H3C6: variants seen among roughly 807,000 people sequenced by gnomAD.
H3C6 encodes histone H3.1.
H3C6 carries 17 observed loss-of-function variants against 8.0 expected under a neutral mutation model. The ratio of observed to expected loss-of-function variants is 2.13; its 90% CI spans 1.46 to 3.19. H3C6 has a LOEUF of 3.19. H3C6 is among the 30% of genes most tolerant of loss of function. The probability of loss-of-function intolerance (pLI) is 0.00; values close to 1 mark genes in which losing one functional copy is unlikely to be tolerated. For missense variants in H3C6, 298 were observed against 193.8 expected, an observed-to-expected ratio of 1.54 and a Z score of -3.19; for synonymous variants, 169 against 78.0, an observed-to-expected ratio of 2.17 and a Z score of -6.15.
chr6:26,227,308 A>G (rs1759596487), downstream of H3C6: 1 of 152,198 alleles, frequency 6.6e-6, no homozygotes, highest in Non-Finnish European at 1.5e-5. Context: ...TATTTCTCTT[A>G]CAGCTACTGG....
downstream of H3C6, chr6:26,225,707 A>C: frequency 9.5e-7 from 1 of 1,053,978 alleles, no homozygotes; most frequent in Non-Finnish European, 1.4e-6. Context: ...AGTGGCATTC[A>C]GTTCCCTCGA....
upstream of H3C6, among the ~76,000 whole-genome samples, chr6:26,224,612 A>G (rs1226423888): frequency 6.6e-6 from 1 of 152,244 alleles, no homozygotes; most frequent in East Asian, 1.9e-4. Flanking sequence ...ACTATAACAC[A>G]AATGAAACAC....
downstream of H3C6, chr6:26,226,348 G>C (rs893573958): frequency 2.0e-5 from 3 of 150,168 alleles, no homozygotes; most frequent in Non-Finnish European, 4.4e-5. Context: ...TCTTTTGTTT[G>C]CTTTTTTCTT....
rs751491152 is a variant in H3C6 at position 26,225,181 on chromosome 6, T to A, written c.27T>A (p.Arg9=). The change falls in exon 1 of 1, where the codon CGT becomes CGA. Residue 9 remains arginine (R), a synonymous_variant. Coordinates refer to ENST00000614911, the MANE Select transcript of H3C6 (RefSeq NM_003532.3). The part of the protein sequence containing the change: MARTKQTA[R]KSTGGKAPRK... ...TGGCGCGTACTAAGCAGACGGCTCG[T>A]AAATCCACAGGCGGTAAAGCACCGC... 3.2e-6 allele frequency: 5 copies of A among 1,579,634 alleles called. No homozygotes were observed. Among genetic ancestry groups the A allele is most frequent in the Non-Finnish European group, 4.3e-6 (5 of 1,164,730 alleles).
At position 26,225,605 on chromosome 6, in the gene H3C6, CAG is replaced by C. The variant is rs756516716; in HGVS notation, c.*43_*44del. 4 of 1,575,074 alleles carry C rather than the reference CAG, an allele frequency of 2.5e-6. No homozygotes were observed. Among genetic ancestry groups the C allele is most frequent in the East Asian group, 4.5e-5 (2 of 44,622 alleles). On this transcript the variant is annotated 3_prime_UTR_variant, in exon 1 of 1. Coordinates refer to ENST00000614911, the MANE Select transcript of H3C6 (RefSeq NM_003532.3). ...AAACCTTAAATCCAAAGGCTCTTCT[CAG>C]AGCCAACCACTTTGTCCGTGAAAAG...
upstream of H3C6, among the ~76,000 whole-genome samples, chr6:26,224,707 T>C (rs1483237513): frequency 1.3e-5 from 2 of 152,162 alleles, no homozygotes; most frequent in African/African-American, 2.4e-5. Flanking sequence ...CGAGGAATCA[T>C]TGAGAGATAC....
downstream of H3C6, chr6:26,226,191 A>T (rs1004963738): frequency 6.6e-6 from 1 of 152,256 alleles, no homozygotes; most frequent in Non-Finnish European, 1.5e-5. Context: ...CCGTGGCACT[A>T]ACACACAGCT....
At position 26,225,138 on chromosome 6, in the gene H3C6, T is replaced by C. The variant is rs141917906; in HGVS notation, c.-17T>C. 3,046 of 1,531,788 alleles carry C rather than the reference T, an allele frequency of 2.0e-3. 28 individuals carry two copies. In the African/African-American group the frequency reaches 0.027, roughly 14 times the overall value. The allele number at this position is 1,531,788 out of a possible 1,614,324, so 94.9% of individuals were successfully genotyped here. ...GGCAAACCAATCTTCCTAACTCATTTACTTTGCAGATGAACTATGGCGCGT... is the reference window on the plus strand; with the variant it reads ...GGCAAACCAATCTTCCTAACTCATTCACTTTGCAGATGAACTATGGCGCGT... On this transcript the variant is annotated 5_prime_UTR_variant, in exon 1 of 1. Coordinates refer to ENST00000614911, the MANE Select transcript of H3C6 (RefSeq NM_003532.3).
downstream of H3C6, chr6:26,225,782 A>G (rs1474089921): frequency 1.1e-5 from 6 of 533,750 alleles, no homozygotes; most frequent in South Asian, 2.5e-5. Context: ...GGGCCTCCCT[A>G]CGCTGTTCTC....
downstream of H3C6, chr6:26,226,981 G>A (rs1362782650): frequency 6.6e-6 from 1 of 152,156 alleles, no homozygotes; most frequent in Non-Finnish European, 1.5e-5. Flanking sequence ...AAAGAGGTTA[G>A]TCATGTGGTA....
At chr6:26,225,702 C>T (rs980462410), downstream of H3C6, 2 of 1,088,478 alleles carry the variant, frequency 1.8e-6, no homozygotes, top group Admixed American at 5.7e-5. Flanking sequence ...GAAATAGTGG[C>T]ATTCAGTTCC....
At chr6:26,225,693 A>G, downstream of H3C6, 9 of 1,156,758 alleles carry the variant, frequency 7.8e-6, no homozygotes, top group Non-Finnish European at 1.1e-5. Context: ...TAGACATTTG[A>G]AATAGTGGCA....
chr6:26,226,340 TTTTG>T (rs1419163813), downstream of H3C6: 30 of 151,292 alleles, frequency 2.0e-4, no homozygotes, highest in African/African-American at 6.8e-4. Flanking sequence ...AGTTGATATC[TTTTG>T]TTTGCTTTTT....
chr6:26,225,436 G>GT lies in H3C6; in HGVS notation c.282_283insT (p.Glu95Ter). ...AGAGTTCCGCGGTGATGGCGCTGCA[G>GT]GAGGCCTGCGAGGCCTACTTGGTGG... On this transcript the variant is annotated frameshift_variant, in exon 1 of 1. Coordinates refer to ENST00000614911, the MANE Select transcript of H3C6 (RefSeq NM_003532.3). LOFTEE classifies it high-confidence loss of function. 6.2e-7 allele frequency: 1 copy of GT among 1,614,256 alleles called. No individual in the cohort carries two copies. The highest frequency in any genetic ancestry group is 8.5e-7 in the Non-Finnish European group (1 of 1,180,042).
downstream of H3C6, chr6:26,227,100 T>G (rs2113569526): frequency 6.6e-6 from 1 of 152,308 alleles, no homozygotes; most frequent in South Asian, 2.1e-4. Context: ...CTGTCAGACA[T>G]GAAGATGTGG....
At chr6:26,225,114 G>C, upstream of H3C6, 1 of 1,521,148 alleles carries the variant, frequency 6.6e-7, no homozygotes, top group Non-Finnish European at 8.8e-7. Flanking sequence ...ATATAGAGGG[G>C]CAAACCAATC....
At chr6:26,226,236 C>A (rs1759555116), downstream of H3C6, 1 of 152,250 alleles carries the variant, frequency 6.6e-6, no homozygotes, top group African/African-American at 2.4e-5. Context: ...AGGTTCTAAA[C>A]TGCAGGAGTC....
At chr6:26,226,400 AT>A (rs1759560062), downstream of H3C6, 3 of 102,602 alleles carry the variant, frequency 2.9e-5, no homozygotes, top group African/African-American at 1.2e-4. Context: ...TTATTTATTT[AT>A]TTATTTTGAG....
In H3C6 at chr6:26,225,518, C is replaced by T. The variant is rs1365152477; in HGVS notation, c.364C>T (p.Pro122Ser). The T allele has an allele frequency of 1.3e-5, 21 of 1,614,050 alleles. No individual in the cohort carries two copies. Among genetic ancestry groups the T allele is most frequent in the South Asian group, 2.2e-5 (2 of 91,090 alleles). Reference protein sequence around the residue: ...AIHAKRVTIMPKDIQLARRIR... With the variant: ...AIHAKRVTIMSKDIQLARRIR... Reference sequence around the variant, plus strand: ...TCATGCCAAACGCGTGACCATCATGCCTAAAGACATCCAGCTTGCCCGCCG... The same window carrying T: ...TCATGCCAAACGCGTGACCATCATGTCTAAAGACATCCAGCTTGCCCGCCG... Residue 122 changes from proline to serine, a missense_variant, in exon 1 of 1, where the codon CCT becomes TCT. Physicochemically the swap from Pro to Ser is moderately conservative, Grantham distance 74. Transcript: ENST00000614911.
Sources: allele counts gnomAD v4.1 joint callset (sites outside exome capture counted in the v4.1 genomes callset), GRCh38; gene constraint gnomAD v4.1.1; transcripts MANE v1.5; gene names NCBI Gene and HGNC (gene_info 2026-07-23, HGNC 2026-07-21).